Variants in POU2F2 observed in about 807,000 individuals in gnomAD.
POU2F2 encodes POU domain, class 2, transcription factor 2.
POU2F2 carries 14 observed loss-of-function variants against 63.5 expected under a neutral mutation model. That is an observed-to-expected ratio of 0.22 (90% CI 0.15 to 0.34). The LOEUF is 0.34. Ranked by LOEUF, POU2F2 falls within the 10% of genes least tolerant of loss-of-function variation. The probability of loss-of-function intolerance (pLI) is 1.00; values close to 1 mark genes in which losing one functional copy is unlikely to be tolerated. For synonymous variants in POU2F2, 306 were observed against 348.6 expected (o/e 0.88, Z 1.36); for missense variants, 607 against 815.2 (o/e 0.74, Z 3.11).
intron 1 of POU2F2, among the ~76,000 whole-genome samples, chr19:42,173,559 G>GAA (rs76675837): frequency 2.1e-4 from 24 of 116,798 alleles, no homozygotes; most frequent in East Asian, 5.0e-4. Context: ...GGACTTGCTA[G>GAA]AAAAAAAAAA....
rs1279953218 is a variant in POU2F2 at position 42,153,653 on chromosome 19, TTC to T, written c.-9+6677_-9+6678del. ...ATGAGTGTCGGAGAGTCCATGCGGT[TTC>T]TCTGTGTGTCTATGTGATGCTGTGT... On this transcript the variant is annotated intron_variant, in intron 2 of 6. Transcript: ENST00000524801. The surrounding 1 kb of genome is among the most constrained non-coding windows in gnomAD (Gnocchi z 5.6). 1.3e-5 allele frequency among the ~76,000 whole-genome samples: 2 copies of T among 152,074 alleles called. No individual in the cohort carries two copies. The highest frequency in any genetic ancestry group is 2.9e-5 in the Non-Finnish European group (2 of 67,996).
Position 42,095,308 on chromosome 19 carries a change from G to A in POU2F2, c.1175C>T (p.Pro392Leu). Residue 392 changes from proline (P) to leucine (L), a missense_variant, in exon 11 of 15, where the codon CCG becomes CTG. Transcript: ENST00000692977. This position sits in a 1 kb window ranked among gnomAD's most constrained non-coding sequence, Gnocchi z 7.1. ...AAPMLPSPGK[P>L]ASYSPHMVTP... ...TACCATATGGGGGCTGTAGCTGGCCGGCTTCCCTGGGCTGGGCAGCATGGG... is the reference window on the plus strand; with the variant it reads ...TACCATATGGGGGCTGTAGCTGGCCAGCTTCCCTGGGCTGGGCAGCATGGG... 4 of 1,613,608 alleles carry A rather than the reference G, an allele frequency of 2.5e-6. No homozygotes were observed. The highest frequency in any genetic ancestry group is 3.4e-6 in the Non-Finnish European group (4 of 1,179,954).
chr19:42,184,534 TG>T (rs1220682774), intron 1 of POU2F2, among the ~76,000 whole-genome samples: 1 of 152,110 alleles, frequency 6.6e-6, no homozygotes, highest in African/African-American at 2.4e-5. Flanking sequence ...AAGTGATGCA[TG>T]ACTAAGGACG....
intron 2 of POU2F2, among the ~76,000 whole-genome samples, chr19:42,148,038 C>T (rs2034267139): frequency 6.6e-6 from 1 of 152,074 alleles, no homozygotes; most frequent in Non-Finnish European, 1.5e-5. Flanking sequence ...GCAAAATGGT[C>T]ATTGCAGGAG....
At chr19:42,197,194 C>T (rs371348939), upstream of POU2F2, among the ~76,000 whole-genome samples, 23 of 152,346 alleles carry the variant, frequency 1.5e-4, no homozygotes, top group African/African-American at 5.1e-4. Flanking sequence ...CCCCACCTAA[C>T]TGCTGTCACT....
chr19:42,121,277 A>G (rs962107428), intron 4 of POU2F2, among the ~76,000 whole-genome samples: 1 of 152,192 alleles, frequency 6.6e-6, no homozygotes, highest in African/African-American at 2.4e-5. Flanking sequence ...TCAGCACAGA[A>G]GCAGGACATC....
At chr19:42,146,342 C>T (rs1382246363) in intron 2 of POU2F2, among the ~76,000 whole-genome samples, 2 of 152,234 alleles carry the variant, frequency 1.3e-5, no homozygotes, top group African/African-American at 2.4e-5. Flanking sequence ...ATTGGCTCAG[C>T]AGAAACACTG....
rs2034379944 is a variant in POU2F2, at chr19:42,152,781, G to A, written c.-9+7551C>T. ...TCAGGTAAGGGGGCTGGGAGAAATT[G>A]AGGGACAATTTCTGGGAGAAAGCAG... is the stretch of plus-strand genomic sequence containing the variant. On this transcript the variant is annotated intron_variant, in intron 2 of 6. Coordinates refer to the POU2F2 transcript ENST00000524801. The surrounding 1 kb of genome is among the most constrained non-coding windows in gnomAD (Gnocchi z 4.1). 1 of 152,362 alleles carries A rather than the reference G, an allele frequency of 6.6e-6. No individual in the cohort carries two copies. The highest frequency in any genetic ancestry group is 1.5e-5 in the Non-Finnish European group (1 of 68,128). 9.4% of individuals were successfully genotyped at this position (152,362 alleles called of 1,614,324 possible).
intron 5 of POU2F2, among the ~76,000 whole-genome samples, chr19:42,111,290 T>G (rs1443549447): frequency 1.3e-5 from 2 of 152,068 alleles, no homozygotes; most frequent in Non-Finnish European, 1.5e-5. Flanking sequence ...TGGTTAATTT[T>G]TTTTTTTTAA....
Position 42,087,319 on chromosome 19 carries a change from G to A in POU2F2, c.*3938C>T, listed in dbSNP as rs1437593969. 3.3e-5 allele frequency: 5 copies of A among 152,064 alleles called. No individual in the cohort carries two copies. The highest frequency in any genetic ancestry group is 5.9e-5 in the Non-Finnish European group (4 of 68,018). 9.4% of individuals were successfully genotyped at this position (152,064 alleles called of 1,614,324 possible). On this transcript the variant is annotated 3_prime_UTR_variant, in exon 15 of 15. Transcript: ENST00000692977. ...CCCTACCCTGGGCTAGAGGAAGAGA[G>A]AGGCACCCTGGTGTTCATGTGGGTT... is the stretch of plus-strand genomic sequence containing the variant.
rs1305255009 is a variant in POU2F2, at chr19:42,155,041, G to A, written c.-9+5291C>T. On this transcript the variant is annotated intron_variant, in intron 2 of 6. Transcript: ENST00000524801. This position sits in a 1 kb window ranked among gnomAD's most constrained non-coding sequence, Gnocchi z 4.2. Reference sequence around the variant, plus strand: ...CACCAGGGCCTTGGCCAATTTCCTCGTACTCTGCCAGGCATGGCCAGCCTG... The same window carrying A: ...CACCAGGGCCTTGGCCAATTTCCTCATACTCTGCCAGGCATGGCCAGCCTG... Among the ~76,000 whole-genome samples, 8 of 152,164 alleles carry A rather than the reference G, an allele frequency of 5.3e-5. No individual in the cohort carries two copies. The highest frequency in any genetic ancestry group is 2.9e-5 in the Non-Finnish European group (2 of 68,024).
chr19:42,116,642 C>T, intron 5 of POU2F2: 1 of 281,332 alleles, frequency 3.6e-6, no homozygotes, highest in African/African-American at 2.3e-5. Context: ...TCAGCCCCTT[C>T]CCACACACTC....
At chr19:42,119,263 C>A (rs1177437009) in intron 4 of POU2F2, among the ~76,000 whole-genome samples, 1 of 152,150 alleles carries the variant, frequency 6.6e-6, no homozygotes, top group Non-Finnish European at 1.5e-5. Flanking sequence ...GCTGGTCGTG[C>A]TCTGCTTCTT....
chr19:42,098,428 A>AAAC (rs2077005911), intron 7 of POU2F2, among the ~76,000 whole-genome samples: 1 of 151,766 alleles, frequency 6.6e-6, no homozygotes, highest in African/African-American at 2.4e-5. Flanking sequence ...AAAAAAAAAA[A>AAAC]ACAAAAAGAA....
At chr19:42,105,906 C>T (rs1397795071) in intron 5 of POU2F2, among the ~76,000 whole-genome samples, 2 of 151,898 alleles carry the variant, frequency 1.3e-5, no homozygotes, top group Admixed American at 6.5e-5. Flanking sequence ...TGTTTTTGTG[C>T]CCTGAATTCT....
In POU2F2 at chr19:42,086,550, G is replaced by A. The variant is rs1173095126; in HGVS notation, c.*4707C>T. On this transcript the variant is annotated 3_prime_UTR_variant, in exon 15 of 15. Coordinates refer to ENST00000692977, the MANE Select transcript of POU2F2 (RefSeq NM_001394376.1). ...CTTTACCAAGTAGGGTGGTCACCTT[G>A]CCCTAGTGCAGCCCTGGATTTGGAA... The A allele has an allele frequency of 1.3e-5, 2 of 152,202 alleles. No individual in the cohort carries two copies. The highest frequency in any genetic ancestry group is 2.4e-5 in the African/African-American group (1 of 41,416). The allele number at this position is 152,202 out of a possible 1,614,324, so 9.4% of individuals were successfully genotyped here.
chr19:42,136,775 A>G (rs1471416955), upstream of POU2F2: 1 of 152,428 alleles, frequency 6.6e-6, no homozygotes, highest in Non-Finnish European at 1.5e-5. Flanking sequence ...TTGTCCAGTC[A>G]GCAATGCTGG....
intron 1 of POU2F2, among the ~76,000 whole-genome samples, chr19:42,195,369 G>C (rs1211874349): frequency 9.3e-6 from 1 of 107,274 alleles, no homozygotes; most frequent in Non-Finnish European, 1.7e-5. Context: ...GTCTCATTCT[G>C]TCGCCCAGGC....
chr19:42,167,504 G>A (rs2034677185), intron 1 of POU2F2, among the ~76,000 whole-genome samples: 1 of 151,692 alleles, frequency 6.6e-6, no homozygotes, highest in Non-Finnish European at 1.5e-5. Context: ...TAAAGGAAAA[G>A]CCTATCAGAG....
Sources: gnomAD v4.1 joint callset for allele counts (sites outside exome capture counted in the v4.1 genomes callset) on GRCh38, gnomAD v4.1.1 for gene constraint, Gnocchi (gnomAD v3.1) non-coding constraint, MANE v1.5 for transcripts, NCBI Gene and HGNC (gene_info 2026-07-23, HGNC 2026-07-21) for gene names.